The following PIAS2 variants were observed in gnomAD, a reference collection of about 807,000 sequenced individuals.
PIAS2 encodes E3 SUMO-protein ligase PIAS2.
In PIAS2, 19 loss-of-function variants were observed where a neutral mutation model predicts 69.7. The ratio of observed to expected loss-of-function variants is 0.27; its 90% CI spans 0.19 to 0.40. The LOEUF is 0.40. Among genes scored for constraint, PIAS2 ranks in the 10% least tolerant of loss-of-function variants. The pLI is 1.00. For synonymous variants in PIAS2, 261 were observed against 263.2 expected, an observed-to-expected ratio of 0.99 and a Z score of 0.08; for missense variants, 624 against 757.0, an observed-to-expected ratio of 0.82 and a Z score of 2.06.
In PIAS2 at chr18:46,803,778, T is replaced by TGAA. The variant is rs2040571351; in HGVS notation, c.*8652_*8654dup. On this transcript the variant is annotated 3_prime_UTR_variant, in exon 14 of 14. Transcript: ENST00000585916. ...AGTACATAACCTAGAGTAGATCATA[T>TGAA]GAAGAATTTCTCCAGCCTTTTATAC... 6.6e-6 allele frequency: 1 copy of TGAA among 152,172 alleles called. No homozygotes were observed. The highest frequency in any genetic ancestry group is 1.5e-5 in the Non-Finnish European group (1 of 68,028). The allele number at this position is 152,172 out of a possible 1,614,324, so 9.4% of individuals were successfully genotyped here. A position where few individuals can be genotyped will look rare whatever the true frequency, so the allele number is the denominator to read the frequency against.
At chr18:46,820,559 C>A (rs1294078135) in intron 12 of PIAS2, among the ~76,000 whole-genome samples, 1 of 152,104 alleles carries the variant, frequency 6.6e-6, no homozygotes, top group African/African-American at 2.4e-5. Flanking sequence ...CAGCCCCAAA[C>A]AACATCAATA....
At chr18:46,860,237 T>C (rs2048451848) in intron 3 of PIAS2, among the ~76,000 whole-genome samples, 1 of 152,226 alleles carries the variant, frequency 6.6e-6, no homozygotes, top group East Asian at 1.9e-4. Flanking sequence ...AACCTGAGTA[T>C]GAGAATTTCC....
At chr18:46,883,914 G>A (rs1399947500) in intron 2 of PIAS2, among the ~76,000 whole-genome samples, 1 of 152,142 alleles carries the variant, frequency 6.6e-6, no homozygotes, top group Admixed American at 6.6e-5. Context: ...GGCCTGAGGT[G>A]GGAGGATCAC....
At chr18:46,817,731 A>G in intron 12 of PIAS2, 1 of 936,270 alleles carries the variant, frequency 1.1e-6, no homozygotes, top group Non-Finnish European at 1.3e-6. Flanking sequence ...TAATGTAAAT[A>G]TTTCTCTCAC....
intron 9 of PIAS2, among the ~76,000 whole-genome samples, chr18:46,830,153 G>A (rs1036542699): frequency 6.6e-6 from 1 of 152,122 alleles, no homozygotes; most frequent in Non-Finnish European, 1.5e-5. Flanking sequence ...CCTCCTAGCT[G>A]AGGCTGGCAG....
intron 2 of PIAS2, among the ~76,000 whole-genome samples, chr18:46,866,270 T>C (rs980040384): frequency 2.6e-5 from 4 of 152,190 alleles, no homozygotes; most frequent in Non-Finnish European, 5.9e-5. Context: ...ATCATAGTCA[T>C]ACTATTGATT....
At chr18:46,873,916 G>A (rs945956882) in intron 2 of PIAS2, among the ~76,000 whole-genome samples, 9 of 151,940 alleles carry the variant, frequency 5.9e-5, no homozygotes, top group South Asian at 2.1e-4. Flanking sequence ...CTTCTCCCCC[G>A]CTGAAAAGGA....
intron 11 of PIAS2, among the ~76,000 whole-genome samples, chr18:46,823,561 G>A (rs1202953137): frequency 6.6e-6 from 1 of 152,144 alleles, no homozygotes; most frequent in Non-Finnish European, 1.5e-5. Context: ...CTGTCACTTA[G>A]TAACATGAAA....
chr18:46,813,074 T>C (rs962856084), intron 13 of PIAS2, among the ~76,000 whole-genome samples: 9 of 152,302 alleles, frequency 5.9e-5, no homozygotes, highest in African/African-American at 1.2e-4. Flanking sequence ...AGATCCTTTA[T>C]GAATGTTAAG....
chr18:46,914,601 A>G (rs555440515), intron 1 of PIAS2, among the ~76,000 whole-genome samples: 1 of 146,860 alleles, frequency 6.8e-6, no homozygotes, highest in East Asian at 2.1e-4. Context: ...CTGAAAAGCA[A>G]AGGCACCAGG....
chr18:46,811,527 T>C lies in PIAS2; in HGVS notation c.*906A>G, dbSNP rs1431498700. The C allele has an allele frequency of 6.6e-6, 1 of 152,182 alleles. No homozygotes were observed. Among genetic ancestry groups the C allele is most frequent in the Admixed American group, 6.5e-5 (1 of 15,276 alleles). 9.4% of individuals were successfully genotyped at this position (152,182 alleles called of 1,614,324 possible). A position where few individuals can be genotyped will look rare whatever the true frequency, so the allele number is the denominator to read the frequency against. ...TTCTGCTGGCTCCAAGATATCAATA[T>C]TTGATAGTGTGAACAAATTTCTAAC... On this transcript the variant is annotated 3_prime_UTR_variant, in exon 14 of 14. Transcript: ENST00000585916.
At chr18:46,898,792 G>A (rs2055313784) in intron 1 of PIAS2, among the ~76,000 whole-genome samples, 1 of 152,106 alleles carries the variant, frequency 6.6e-6, no homozygotes, top group Non-Finnish European at 1.5e-5. Context: ...TCAGAAGTTA[G>A]AGACCAGCAT....
At chr18:46,831,520 A>G (rs2043614385) in intron 9 of PIAS2, among the ~76,000 whole-genome samples, 1 of 152,232 alleles carries the variant, frequency 6.6e-6, no homozygotes, top group African/African-American at 2.4e-5. Context: ...ATGAAAATGC[A>G]AAGAATCTAC....
intron 11 of PIAS2, among the ~76,000 whole-genome samples, chr18:46,825,657 T>C (rs920324236): frequency 3.3e-5 from 5 of 152,166 alleles, no homozygotes; most frequent in African/African-American, 9.7e-5. Context: ...TAGCCTAAAA[T>C]GGAACAAAAC....
chr18:46,892,767 C>T (rs999270134), intron 1 of PIAS2, among the ~76,000 whole-genome samples: 3 of 151,902 alleles, frequency 2.0e-5, no homozygotes, highest in Non-Finnish European at 4.4e-5. Context: ...TTAAGACTGT[C>T]TCAAAAATAA....
chr18:46,818,398 A>C (rs1380729275), intron 12 of PIAS2: 1 of 1,588,022 alleles, frequency 6.3e-7, no homozygotes, highest in East Asian at 2.3e-5. Flanking sequence ...CAGTATCAGA[A>C]GATGTTCCAA....
chr18:46,871,980 T>TC (rs2050422462), intron 2 of PIAS2, among the ~76,000 whole-genome samples: 1 of 152,150 alleles, frequency 6.6e-6, no homozygotes, highest in African/African-American at 2.4e-5. Context: ...GAGGAAGACT[T>TC]CAAGTTGCTC....
At chr18:46,830,860 C>T (rs2043507402) in intron 9 of PIAS2, among the ~76,000 whole-genome samples, 1 of 152,106 alleles carries the variant, frequency 6.6e-6, no homozygotes, top group African/African-American at 2.4e-5. Context: ...GTCAGCATTA[C>T]TCTGATAATA....
chr18:46,882,062 A>C (rs1387983485), intron 2 of PIAS2, among the ~76,000 whole-genome samples: 3 of 152,064 alleles, frequency 2.0e-5, no homozygotes, highest in Non-Finnish European at 4.4e-5. Flanking sequence ...CCGCCACTGC[A>C]TTCCAGCCTG....
Sources: gnomAD v4.1 joint callset for allele counts (sites outside exome capture counted in the v4.1 genomes callset) on GRCh38, gnomAD v4.1.1 for gene constraint, MANE v1.5 for transcripts, NCBI Gene and HGNC (gene_info 2026-07-23, HGNC 2026-07-21) for gene names.